CDHR1: variants seen among roughly 807,000 people sequenced by gnomAD.
CDHR1 encodes the protein cadherin-related family member 1.
A neutral mutation model predicts 72.1 loss-of-function variants in CDHR1; 61 were observed. The observed-to-expected ratio is 0.85, with a 90% CI of 0.69 to 1.05. The LOEUF (loss-of-function observed/expected upper bound fraction) is 1.05, where lower values mean the gene tolerates loss of function less well. Ranked by LOEUF, CDHR1 falls within the 50% of genes least tolerant of loss-of-function variation. CDHR1 has a pLI of 0.00. For missense variants in CDHR1, 1,186 were observed against 1,115.7 expected, an observed-to-expected ratio of 1.06 and a Z score of -0.90; for synonymous variants, 470 against 448.1, an observed-to-expected ratio of 1.05 and a Z score of -0.62.
At chr10:84,207,751 T>A (rs370049253) in intron 10 of CDHR1, among the ~76,000 whole-genome samples, 7 of 152,304 alleles carry the variant, frequency 4.6e-5, no homozygotes, top group African/African-American at 1.7e-4. Flanking sequence ...GTCCCTCACA[T>A]GGTTGCAATC....
At chr10:84,195,719 T>C (rs1436531636) in intron 2 of CDHR1, 130 bp downstream of exon 2, 12 of 772,742 alleles carry the variant, frequency 1.6e-5, no homozygotes, top group Non-Finnish European at 2.7e-5. Context: ...CTCTCCGAAT[T>C]CCCCTGGGCA....
At chr10:84,210,882 G>A (rs575893283) in intron 12 of CDHR1, 119 bp from the exon 13 acceptor site, 34 of 1,140,720 alleles carry the variant, frequency 3.0e-5, no homozygotes, top group East Asian at 1.9e-4. Flanking sequence ...TGGCAGCTGC[G>A]AGGAAGATCG....
At chr10:84,201,149 C>G (rs1842117633) in intron 6 of CDHR1, among the ~76,000 whole-genome samples, 4 of 152,244 alleles carry the variant, frequency 2.6e-5, no homozygotes, top group Non-Finnish European at 5.9e-5. Context: ...AGCGCGTTAT[C>G]TAACTTTCCC....
chr10:84,208,755 G>A lies in CDHR1; in HGVS notation c.1194G>A (p.Gln398=), dbSNP rs965800998. ...GAGCCAATGCCAAATTCAACTTGCA[G>A]CTGGTGGGACCCAGGGGCATCTTCC... ...DQGANAKFNL[Q]LVGPRGIFRV... Residue 398 remains glutamine, a synonymous_variant, in exon 12 of 17, where the codon CAG becomes CAA. Transcript: ENST00000623527. 2 of 1,614,078 alleles carry A rather than the reference G, an allele frequency of 1.2e-6. No individual in the cohort carries two copies. The highest frequency in any genetic ancestry group is 2.7e-5 in the African/African-American group (2 of 74,936).
intron 10 of CDHR1, among the ~76,000 whole-genome samples, chr10:84,207,014 C>T (rs961372924): frequency 2.0e-5 from 3 of 152,064 alleles, no homozygotes; most frequent in African/African-American, 4.8e-5. Flanking sequence ...GGTCCCGTGC[C>T]GTCAGGAGTA....
Position 84,200,797 on chromosome 10 carries a change from A to G in CDHR1, c.525+110A>G, listed in dbSNP as rs563566148. 31 of 761,300 alleles carry G rather than the reference A, an allele frequency of 4.1e-5. 1 individual carries two copies. Among genetic ancestry groups the G allele is most frequent in the Middle Eastern group, 3.3e-4 (1 of 2,998 alleles). The allele number at this position is 761,300 out of a possible 1,614,324, so 47.2% of individuals were successfully genotyped here. The stretch of plus-strand genomic sequence containing the variant: ...TAGGTCGGTGCCTCTATGATTCCCG[A>G]GAAGTACATGAAGGGTTGGGATGGG... On this transcript the variant is annotated intron_variant, in intron 6 of 16. Transcript: ENST00000623527.
chr10:84,205,602 G>T (rs1011971170), intron 9 of CDHR1: 14 of 605,438 alleles, frequency 2.3e-5, no homozygotes, highest in Non-Finnish European at 3.5e-5. Flanking sequence ...TATGGAATGT[G>T]GGAGCTGGAC....
chr10:84,205,780 C>T (rs1396365349), intron 9 of CDHR1, 47 bp from the exon 10 acceptor site: 1 of 1,375,916 alleles, frequency 7.3e-7, no homozygotes, highest in South Asian at 1.2e-5. Flanking sequence ...TCCCCTGCGC[C>T]TCCCTGTGGT....
intron 7 of CDHR1, among the ~76,000 whole-genome samples, 169 bp from the exon 8 acceptor site, chr10:84,202,811 A>G (rs1285798415): frequency 1.3e-5 from 2 of 152,100 alleles, no homozygotes; most frequent in Non-Finnish European, 2.9e-5. Context: ...CATTCCCAAC[A>G]CTCCTGTGAG....
At chr10:84,209,463 A>G (rs1020663534) in intron 12 of CDHR1, among the ~76,000 whole-genome samples, 29 of 152,180 alleles carry the variant, frequency 1.9e-4, no homozygotes, top group African/African-American at 7.0e-4. Flanking sequence ...AATCCATGAA[A>G]TTAGGAACAA....
At position 84,218,549 on chromosome 10, in the gene CDHR1, T is replaced by C. The variant is rs1437253467; in HGVS notation, c.*3928T>C. 1.0e-6 allele frequency: 1 copy of C among 985,320 alleles called. No individual in the cohort carries two copies. Among genetic ancestry groups the C allele is most frequent in the Non-Finnish European group, 1.2e-6 (1 of 829,938 alleles). 61.0% of individuals were successfully genotyped at this position (985,320 alleles called of 1,614,324 possible). ...AGAAAAAGAACAACATTCCTCTCTTTAATTGCTAATCGCCTGGGCCTAGGG... is the reference window on the plus strand; with the variant it reads ...AGAAAAAGAACAACATTCCTCTCTTCAATTGCTAATCGCCTGGGCCTAGGG... On this transcript the variant is annotated 3_prime_UTR_variant, in exon 17 of 17. Transcript: ENST00000623527.
intron 12 of CDHR1, among the ~76,000 whole-genome samples, chr10:84,209,183 T>C (rs1466317488): frequency 6.6e-6 from 1 of 152,256 alleles, no homozygotes; most frequent in Non-Finnish European, 1.5e-5. Context: ...AAGATAGATG[T>C]TTTATCATAT....
chr10:84,210,318 T>C (rs1177599821), intron 12 of CDHR1, among the ~76,000 whole-genome samples: 1 of 152,170 alleles, frequency 6.6e-6, no homozygotes, highest in Non-Finnish European at 1.5e-5. Context: ...CAGGTTGGAG[T>C]GCAGTGGCAC....
At chr10:84,206,866 A>T (rs973828204) in intron 10 of CDHR1, among the ~76,000 whole-genome samples, 10 of 152,346 alleles carry the variant, frequency 6.6e-5, no homozygotes, top group Admixed American at 1.3e-4. Flanking sequence ...ACAGAGGAAG[A>T]CAGCCTGTGG....
chr10:84,214,046 G>A, intron 16 of CDHR1, 36 bp from the exon 17 acceptor site: 1 of 1,613,874 alleles, frequency 6.2e-7, no homozygotes. Flanking sequence ...GACCAGGTGG[G>A]AACAGCTGAG....
rs886538336 is a variant in CDHR1 at position 84,217,555 on chromosome 10, T to C, written c.*2934T>C. On this transcript the variant is annotated 3_prime_UTR_variant, in exon 17 of 17. Coordinates refer to ENST00000623527, the MANE Select transcript of CDHR1 (RefSeq NM_033100.4). ...ATTAACACAGGGTGCAAAGTATGGT[T>C]GCAGAGAGGATGAAAAGATCTAATA... 5.1e-6 allele frequency: 5 copies of C among 983,118 alleles called. No homozygotes were observed. The highest frequency in any genetic ancestry group is 6.0e-6 in the Non-Finnish European group (5 of 827,944). The allele number at this position is 983,118 out of a possible 1,614,324, so 60.9% of individuals were successfully genotyped here. A position where few individuals can be genotyped will look rare whatever the true frequency, so the allele number is the denominator to read the frequency against.
chr10:84,209,525 CATT>C (rs1032919143), intron 12 of CDHR1, among the ~76,000 whole-genome samples: 1 of 151,210 alleles, frequency 6.6e-6, no homozygotes, highest in African/African-American at 2.4e-5. Flanking sequence ...CCTGAAATAA[CATT>C]GTTCCTGGAT....
rs1368835309 is a variant in CDHR1 at position 84,214,283 on chromosome 10, C to T, written c.2242C>T (p.Pro748Ser). 1.2e-6 allele frequency: 2 copies of T among 1,613,892 alleles called. No homozygotes were observed. The highest frequency in any genetic ancestry group is 1.7e-5 in the Admixed American group (1 of 60,036). ...GCTCCGCAAGCGGCCCAGCCCTGCG[C>T]CCCGCACCATCCGCATTGAGTGGCT... Reference protein sequence around the residue: ...RVLRKRPSPAPRTIRIEWLKS... With the variant: ...RVLRKRPSPASRTIRIEWLKS... The change falls in exon 17 of 17, where the codon CCC becomes TCC. Residue 748 changes from proline (P) to serine (S), a missense_variant. Physicochemically the swap from Pro to Ser is moderately conservative, Grantham distance 74. Coordinates refer to ENST00000623527, the MANE Select transcript of CDHR1 (RefSeq NM_033100.4).
chr10:84,195,800 C>T (rs187867526), intron 2 of CDHR1, among the ~76,000 whole-genome samples: 2 of 152,328 alleles, frequency 1.3e-5, no homozygotes, highest in South Asian at 2.1e-4. Flanking sequence ...AGGGCTCCCC[C>T]CCACAGACAG....
Sources: gnomAD v4.1 joint callset for allele counts (sites outside exome capture counted in the v4.1 genomes callset) on GRCh38, gnomAD v4.1.1 for gene constraint, MANE v1.5 for transcripts, NCBI Gene and HGNC (gene_info 2026-07-23, HGNC 2026-07-21) for gene names.